KAT2B: variants seen among roughly 807,000 people sequenced by gnomAD.
KAT2B encodes histone acetyltransferase KAT2B.
A neutral mutation model predicts 105.9 loss-of-function variants in KAT2B; 36 were observed. That is an observed-to-expected ratio of 0.34 (90% CI 0.26 to 0.45). The LOEUF is 0.45. Ranked by LOEUF, KAT2B falls within the 20% of genes least tolerant of loss-of-function variation. The pLI, the probability that KAT2B is intolerant of heterozygous loss-of-function variation, is 1.00. For synonymous variants in KAT2B, 397 were observed against 377.9 expected (o/e 1.05, Z -0.59); for missense variants, 820 against 1,021.6 (o/e 0.80, Z 2.69).
At chr3:20,056,717 C>T (rs1698009712) in intron 1 of KAT2B, among the ~76,000 whole-genome samples, 1 of 152,132 alleles carries the variant, frequency 6.6e-6, no homozygotes, top group African/African-American at 2.4e-5. Context: ...AAATTTTGGA[C>T]TGAATCCATT....
chr3:20,101,551 G>GC, intron 5 of KAT2B, 83 bp downstream of exon 5: 2 of 1,058,622 alleles, frequency 1.9e-6, no homozygotes, highest in South Asian at 1.4e-5. Context: ...TAAGTATAGG[G>GC]CTGCCTAGTT....
chr3:20,073,078 TG>T (rs1355603362), intron 2 of KAT2B, among the ~76,000 whole-genome samples: 1 of 152,154 alleles, frequency 6.6e-6, no homozygotes, highest in African/African-American at 2.4e-5. Context: ...TGTGCTAGTA[TG>T]TTGTTCTTTG....
Position 20,148,047 on chromosome 3 carries a change from T to C in KAT2B, c.2156+48T>C, listed in dbSNP as rs200282360. 326 of 1,520,656 alleles carry C rather than the reference T, an allele frequency of 2.1e-4. 2 individuals are homozygous for C. The Middle Eastern group carries it at 2.9e-3, about 14-fold the overall frequency. 94.2% of individuals were successfully genotyped at this position (1,520,656 alleles called of 1,614,324 possible). A position where few individuals can be genotyped will look rare whatever the true frequency, so the allele number is the denominator to read the frequency against. Reference sequence around the variant, plus strand: ...TGTTAATGGAAGTGATTTTTTTTTTTCCCCACCAAGCAACTTAAAGAAAAA... The same window carrying C: ...TGTTAATGGAAGTGATTTTTTTTTTCCCCCACCAAGCAACTTAAAGAAAAA... On this transcript the variant is annotated intron_variant, in intron 15 of 17. Coordinates refer to ENST00000263754, the MANE Select transcript of KAT2B (RefSeq NM_003884.5).
Position 20,099,925 on chromosome 3 carries a change from C to T in KAT2B, c.640C>T (p.Pro214Ser). The change falls in exon 4 of 18, where the codon CCC becomes TCC. Residue 214 changes from proline (P) to serine (S), a missense_variant. Pro to Ser is a moderately conservative substitution (Grantham distance 74). This residue lies in a region of KAT2B where 173 missense variants were observed against 249.5 expected (regional missense o/e 0.69). Transcript: ENST00000263754. Reference sequence around the variant, plus strand: ...GGTTGAAGGCTCTTTGGAAAAGAAACCCCCATTTGAAAAACCTAGCATTGA... The same window carrying T: ...GGTTGAAGGCTCTTTGGAAAAGAAATCCCCATTTGAAAAACCTAGCATTGA... ...PVVEGSLEKK[P>S]PFEKPSIEQG... 1.9e-6 allele frequency: 3 copies of T among 1,605,854 alleles called. No individual in the cohort carries two copies. The highest frequency in any genetic ancestry group is 1.7e-6 in the Non-Finnish European group (2 of 1,173,100).
intron 1 of KAT2B, among the ~76,000 whole-genome samples, chr3:20,041,477 C>A (rs2929408): frequency 0.17 from 25,162 of 152,110 alleles, 2,420 homozygotes; most frequent in East Asian, 0.45. Context: ...GACAGCCCAG[C>A]GCGGCGGGCG....
intron 13 of KAT2B, among the ~76,000 whole-genome samples, chr3:20,144,603 T>TC (rs1186681984): frequency 6.7e-5 from 5 of 74,172 alleles, no homozygotes; most frequent in Non-Finnish European, 2.7e-5. Flanking sequence ...TTCTTTTTTC[T>TC]TTTTTTTTTT....
chr3:20,070,164 A>G (rs1265043151), intron 1 of KAT2B, among the ~76,000 whole-genome samples: 1 of 152,160 alleles, frequency 6.6e-6, no homozygotes, highest in East Asian at 1.9e-4. Context: ...CTCCATCCTC[A>G]TTAATACAAA....
intron 11 of KAT2B, among the ~76,000 whole-genome samples, chr3:20,128,654 C>G (rs1559326245): frequency 6.6e-6 from 1 of 152,124 alleles, no homozygotes; most frequent in Non-Finnish European, 1.5e-5. Context: ...TCATCTATAC[C>G]TTGTCCTGTT....
At chr3:20,075,836 C>T in intron 2 of KAT2B, among the ~76,000 whole-genome samples, 1 of 149,250 alleles carries the variant, frequency 6.7e-6, no homozygotes, top group Non-Finnish European at 1.5e-5. Context: ...TCGATTAAAC[C>T]TGGGAGCAGA....
At chr3:20,144,052 A>G (rs887770165) in intron 13 of KAT2B, among the ~76,000 whole-genome samples, 1 of 152,134 alleles carries the variant, frequency 6.6e-6, no homozygotes, top group African/African-American at 2.4e-5. Flanking sequence ...TCTCTTCTCC[A>G]TACTGATTAC....
intron 8 of KAT2B, 21 bp from the exon 9 acceptor site, chr3:20,122,647 C>G: frequency 3.7e-6 from 6 of 1,604,464 alleles, no homozygotes; most frequent in Non-Finnish European, 5.1e-6. Flanking sequence ...CATTGTTTGC[C>G]TTTTATTTTG....
chr3:20,088,965 C>T (rs552932549), intron 2 of KAT2B, among the ~76,000 whole-genome samples: 52 of 152,220 alleles, frequency 3.4e-4, no homozygotes, highest in African/African-American at 8.2e-4. Flanking sequence ...TGTGGATATC[C>T]GGTTGTCCCA....
At chr3:20,120,406 T>C (rs1442027123) in intron 8 of KAT2B, among the ~76,000 whole-genome samples, 2 of 152,030 alleles carry the variant, frequency 1.3e-5, no homozygotes, top group African/African-American at 4.8e-5. Context: ...TTTTGTATTT[T>C]TGGTGGAGAT....
intron 5 of KAT2B, among the ~76,000 whole-genome samples, chr3:20,110,500 G>A (rs908953201): frequency 1.3e-5 from 2 of 151,450 alleles, no homozygotes; most frequent in Admixed American, 6.6e-5. Flanking sequence ...GTGAAACCCC[G>A]TCTTTACAAA....
chr3:20,093,824 G>A (rs548303591), intron 2 of KAT2B, among the ~76,000 whole-genome samples: 7 of 152,278 alleles, frequency 4.6e-5, no homozygotes, highest in South Asian at 2.1e-4. Context: ...TGTGGCAAAC[G>A]TAGTAATAGA....
chr3:20,051,896 T>G (rs1697921927), intron 1 of KAT2B, among the ~76,000 whole-genome samples: 1 of 152,278 alleles, frequency 6.6e-6, no homozygotes, highest in African/African-American at 2.4e-5. Flanking sequence ...GGGTGTTATA[T>G]CTATTGCCAT....
Position 20,126,070 on chromosome 3 carries a change from C to T in KAT2B, c.1579C>T (p.Pro527Ser). ...ACAGAACGTTTTCTCCCACCAGCTG[C>T]CCCGAATGCCAAAAGAATACATCAC... ...GLQNVFSHQL[P>S]RMPKEYITRL... The change falls in exon 10 of 18, where the codon CCC becomes TCC. Residue 527 changes from proline (P) to serine (S), a missense_variant. By Grantham distance (74) the Pro-to-Ser change is moderately conservative (BLOSUM62 -1). This residue lies in a region of KAT2B where 225 missense variants were observed against 268.1 expected (regional missense o/e 0.84). Coordinates refer to ENST00000263754, the MANE Select transcript of KAT2B (RefSeq NM_003884.5). The T allele has an allele frequency of 6.2e-7, 1 of 1,612,980 alleles. No individual in the cohort carries two copies. The highest frequency in any genetic ancestry group is 8.5e-7 in the Non-Finnish European group (1 of 1,179,432).
At chr3:20,079,498 C>G (rs982848729) in intron 2 of KAT2B, among the ~76,000 whole-genome samples, 5 of 152,132 alleles carry the variant, frequency 3.3e-5, no homozygotes, top group Admixed American at 6.5e-5. Context: ...GCCACCGCTT[C>G]TGGCCTGAGA....
intron 1 of KAT2B, among the ~76,000 whole-genome samples, chr3:20,048,987 G>A (rs1020292637): frequency 2.7e-5 from 4 of 148,420 alleles, no homozygotes; most frequent in Non-Finnish European, 3.0e-5. Context: ...TCAGCCTTCC[G>A]AGTAGTTGAG....
Sources: allele counts gnomAD v4.1 joint callset (sites outside exome capture counted in the v4.1 genomes callset), GRCh38; gene constraint gnomAD v4.1.1; regional missense constraint gnomAD v4.1.1; transcripts MANE v1.5; gene names NCBI Gene and HGNC (gene_info 2026-07-23, HGNC 2026-07-21).